MYO10: variants seen among roughly 807,000 people sequenced by gnomAD.
MYO10 encodes the protein myosin X, also known as unconventional myosin-X.
A neutral mutation model predicts 257.3 loss-of-function variants in MYO10; 133 were observed. The observed-to-expected ratio is 0.52, with a 90% confidence interval of 0.45 to 0.60. MYO10 has a LOEUF of 0.60. Ranked by LOEUF, MYO10 falls within the 20% of genes least tolerant of loss-of-function variation. The pLI is 0.00. For synonymous variants in MYO10, 1,104 were observed against 1,028.6 expected, an observed-to-expected ratio of 1.07 and a Z score of -1.40; for missense variants, 2,399 against 2,635.7, an observed-to-expected ratio of 0.91 and a Z score of 1.97.
chr5:16,904,158 A>G lies in MYO10; in HGVS notation c.22-26451T>C, dbSNP rs116000265. 3.4e-3 allele frequency among the ~76,000 whole-genome samples: 525 copies of G among 152,236 alleles called. 5 individuals are homozygous for G. Among genetic ancestry groups the G allele is most frequent in the African/African-American group, 0.012 (504 of 41,548 alleles). On this transcript the variant is annotated intron_variant, in intron 1 of 40. Transcript: ENST00000513610. ...GTCATAAAGCTTCTATAAAAACCCA[A>G]AAGGACAGAGCTTCCGGACAGCTGG...
chr5:16,876,636 C>A (rs2126761383), intron 2 of MYO10, among the ~76,000 whole-genome samples: 1 of 152,256 alleles, frequency 6.6e-6, no homozygotes, highest in East Asian at 1.9e-4. Flanking sequence ...CTCACTGCAA[C>A]CTCCGCCTCG....
chr5:16,842,129 T>G (rs560407027), intron 2 of MYO10, among the ~76,000 whole-genome samples: 67 of 152,250 alleles, frequency 4.4e-4, no homozygotes, highest in African/African-American at 1.5e-3. Context: ...ATAGAACCCT[T>G]TATATGTATA....
At chr5:16,668,502 A>C (rs1281057661) in intron 39 of MYO10, 34 bp from the exon 40 acceptor site, 4 of 1,544,364 alleles carry the variant, frequency 2.6e-6, no homozygotes, top group Non-Finnish European at 2.6e-6. Context: ...GAGTTAAGTC[A>C]TGAAGTGGTT....
In MYO10 at chr5:16,900,744, G is replaced by GTTTT. The variant is rs374195788; in HGVS notation, c.22-23041_22-23038dup. Among the ~76,000 whole-genome samples the GTTTT allele has an allele frequency of 4.4e-4, 58 of 132,734 alleles. 5 individuals carry two copies. The highest frequency in any genetic ancestry group is 6.9e-4 in the East Asian group (3 of 4,366). The allele number at this position is 132,734 out of a possible 152,430, so 87.1% of individuals were successfully genotyped here. A position where few individuals can be genotyped will look rare whatever the true frequency, so the allele number is the denominator to read the frequency against. Reference sequence around the variant, plus strand: ...AAAAGTACACACCTCCCTAAATCTTGTTTTTTTTTTTTTGAGACAGAGTCT... The same window carrying GTTTT: ...AAAAGTACACACCTCCCTAAATCTTGTTTTTTTTTTTTTTTTTGAGACAGAGTCT... On this transcript the variant is annotated intron_variant, in intron 1 of 40. Transcript: ENST00000513610.
intron 3 of MYO10, among the ~76,000 whole-genome samples, chr5:16,815,703 G>A (rs1273882070): frequency 1.3e-5 from 2 of 152,094 alleles, no homozygotes; most frequent in Non-Finnish European, 2.9e-5. Context: ...AACAACACAC[G>A]CACAGTGCAG....
intron 19 of MYO10, among the ~76,000 whole-genome samples, chr5:16,729,545 G>A (rs545999341): frequency 2.0e-5 from 3 of 150,712 alleles, no homozygotes; most frequent in East Asian, 2.0e-4. Context: ...TCTGCCTCCC[G>A]GGTTCACACC....
Position 16,668,372 on chromosome 5 carries a change from A to G in MYO10, c.5980T>C (p.Phe1994Leu), listed in dbSNP as rs1188495856. The part of the protein sequence containing the change: ...KRGEGRPLEV[F>L]QYEHILSFGA... ...AAAGAGAGGATGTGTTCATACTGGA[A>G]GACTTCCAGTGGTCTTCCCTCTCCA... The change falls in exon 40 of 41, where the codon TTC becomes CTC. Residue 1994 changes from phenylalanine to leucine, a missense_variant. Phe to Leu is a conservative substitution (Grantham distance 22). Coordinates refer to ENST00000513610, the MANE Select transcript of MYO10 (RefSeq NM_012334.3). 2 of 1,613,910 alleles carry G rather than the reference A, an allele frequency of 1.2e-6. No homozygotes were observed. Among genetic ancestry groups the G allele is most frequent in the East Asian group, 2.2e-5 (1 of 44,888 alleles).
chr5:16,811,706 C>G (rs531605734), intron 3 of MYO10, among the ~76,000 whole-genome samples: 2 of 152,184 alleles, frequency 1.3e-5, no homozygotes, highest in Non-Finnish European at 1.5e-5. Flanking sequence ...CACGCCACCA[C>G]GGCTGGCTAA....
intron 19 of MYO10, among the ~76,000 whole-genome samples, chr5:16,750,374 G>A (rs1482301471): frequency 6.6e-6 from 1 of 151,672 alleles, no homozygotes; most frequent in Non-Finnish European, 1.5e-5. Flanking sequence ...CTTTGCACCT[G>A]TTTTTCAAAA....
At chr5:16,933,961 AC>A (rs1746364525) in intron 1 of MYO10, among the ~76,000 whole-genome samples, 1 of 152,248 alleles carries the variant, frequency 6.6e-6, no homozygotes, top group African/African-American at 2.4e-5. Flanking sequence ...GGATTCGTGA[AC>A]AAGCTCTTCA....
chr5:16,711,029 C>A lies in MYO10; in HGVS notation c.2055-7G>T. On this transcript the variant is annotated splice_region_variant and splice_polypyrimidine_tract_variant and intron_variant, in intron 20 of 40. Coordinates refer to ENST00000513610, the MANE Select transcript of MYO10 (RefSeq NM_012334.3). ...CCTCATCAGCACTTTATACCTGCAA[C>A]GTGAAGACACACAGGGTCACCTTCT... 1 of 1,613,970 alleles carries A rather than the reference C, an allele frequency of 6.2e-7. No homozygotes were observed. Among genetic ancestry groups the A allele is most frequent in the Non-Finnish European group, 8.5e-7 (1 of 1,179,850 alleles).
chr5:16,910,869 A>C (rs1187084441), intron 1 of MYO10, among the ~76,000 whole-genome samples: 1 of 152,180 alleles, frequency 6.6e-6, no homozygotes, highest in African/African-American at 2.4e-5. Context: ...CTATGGGGAA[A>C]GGGACTCAGT....
At chr5:16,693,760 A>G (rs1250288293) in intron 27 of MYO10, among the ~76,000 whole-genome samples, 2 of 152,144 alleles carry the variant, frequency 1.3e-5, no homozygotes, top group African/African-American at 2.4e-5. Flanking sequence ...AACTCCCAAC[A>G]ATTTTCTGGA....
intron 3 of MYO10, among the ~76,000 whole-genome samples, chr5:16,812,083 G>A (rs1215578419): frequency 2.6e-5 from 4 of 152,194 alleles, no homozygotes; most frequent in Non-Finnish European, 5.9e-5. Flanking sequence ...TCAGGAGAGA[G>A]CCAACCCCCT....
At chr5:16,838,536 C>A (rs1743380662) in intron 2 of MYO10, among the ~76,000 whole-genome samples, 1 of 152,132 alleles carries the variant, frequency 6.6e-6, no homozygotes, top group African/African-American at 2.4e-5. Context: ...AGAAAAGAAG[C>A]CGTCTCCACA....
chr5:16,932,430 A>T (rs1746316531), intron 1 of MYO10, among the ~76,000 whole-genome samples: 1 of 152,150 alleles, frequency 6.6e-6, no homozygotes, highest in Non-Finnish European at 1.5e-5. Flanking sequence ...TTTGCACAGT[A>T]GCCTTGCCCC....
chr5:16,909,505 CA>C (rs36053061), intron 1 of MYO10, among the ~76,000 whole-genome samples: 66,613 of 107,468 alleles, frequency 0.62, 17,687 homozygotes, highest in Admixed American at 0.68. Context: ...AACTCCAACT[CA>C]AAAAAAAAAA....
chr5:16,718,137 C>T (rs1385179439), intron 19 of MYO10, among the ~76,000 whole-genome samples: 1 of 152,228 alleles, frequency 6.6e-6, no homozygotes, highest in Admixed American at 6.5e-5. Context: ...CAGGCAGTGC[C>T]AGCCCACCGG....
intron 3 of MYO10, among the ~76,000 whole-genome samples, chr5:16,796,020 T>C (rs1424661078): frequency 3.3e-5 from 5 of 151,470 alleles, no homozygotes; most frequent in Non-Finnish European, 7.4e-5. Context: ...AAACCCCGTC[T>C]CTACTAAAAA....
Sources: allele counts gnomAD v4.1 joint callset (sites outside exome capture counted in the v4.1 genomes callset), GRCh38; gene constraint gnomAD v4.1.1; transcripts MANE v1.5; gene names NCBI Gene and HGNC (gene_info 2026-07-23, HGNC 2026-07-21).